The following CWC27 variants were observed in gnomAD, a reference collection of about 807,000 sequenced individuals.
The protein encoded by CWC27 is CWC27 spliceosome associated cyclophilin.
Under a neutral mutation model 63.6 loss-of-function variants are expected in CWC27, and 47 were observed. The ratio of observed to expected loss-of-function variants is 0.74; its 90% CI spans 0.58 to 0.94. The LOEUF (loss-of-function observed/expected upper bound fraction) is 0.94. Ranked by LOEUF, CWC27 falls within the 40% of genes least tolerant of loss-of-function variation. The pLI, the probability that CWC27 is intolerant of heterozygous loss-of-function variation, is 0.00. For synonymous variants in CWC27, 175 were observed against 179.8 expected, an observed-to-expected ratio of 0.97 and a Z score of 0.22; for missense variants, 495 against 554.3, an observed-to-expected ratio of 0.89 and a Z score of 1.07.
intron 11 of CWC27, among the ~76,000 whole-genome samples, chr5:64,908,148 G>A (rs1228004677): frequency 6.6e-6 from 1 of 152,046 alleles, no homozygotes; most frequent in East Asian, 1.9e-4. Flanking sequence ...ATTTACCCAG[G>A]ATTCACTCAG....
intron 7 of CWC27, among the ~76,000 whole-genome samples, chr5:64,792,954 T>C (rs1021860904): frequency 4.6e-5 from 7 of 152,166 alleles, no homozygotes; most frequent in Non-Finnish European, 7.3e-5. Flanking sequence ...TATACAATAC[T>C]GAAAAATGTC....
intron 11 of CWC27, among the ~76,000 whole-genome samples, chr5:64,916,074 G>C (rs1365029890): frequency 1.3e-5 from 2 of 152,130 alleles, no homozygotes; most frequent in Non-Finnish European, 2.9e-5. Context: ...TATACCTTTG[G>C]CTGTTCCTTT....
chr5:64,859,235 G>C (rs1746338155), intron 10 of CWC27, among the ~76,000 whole-genome samples: 1 of 152,152 alleles, frequency 6.6e-6, no homozygotes, highest in Non-Finnish European at 1.5e-5. Flanking sequence ...ATAGAAAGCA[G>C]AACAGTGGTT....
chr5:64,922,571 G>C (rs1173856104), intron 11 of CWC27, among the ~76,000 whole-genome samples: 1 of 152,094 alleles, frequency 6.6e-6, no homozygotes, highest in Non-Finnish European at 1.5e-5. Flanking sequence ...ATCTTCTCTT[G>C]TGTCTCAATG....
At chr5:65,018,075 A>C (rs1323575373) in intron 13 of CWC27, 84 bp from the exon 14 acceptor site, 21 of 1,218,582 alleles carry the variant, frequency 1.7e-5, no homozygotes, top group Non-Finnish European at 2.4e-5. Context: ...CTTATGTTTC[A>C]TTATGTCGAT....
chr5:64,807,966 A>G lies in CWC27; in HGVS notation c.938+3580A>G, dbSNP rs1366677129. The G allele has an allele frequency of 4.9e-6, 7 of 1,417,246 alleles. No individual in the cohort carries two copies. The African/African-American group carries it at 7.2e-5, about 15-fold the overall frequency. 87.8% of individuals were successfully genotyped at this position (1,417,246 alleles called of 1,614,324 possible). A position where few individuals can be genotyped will look rare whatever the true frequency, so the allele number is the denominator to read the frequency against. ...CTACCACTCCACTGAAACTACTTCCACTAAGGCCATCTAGTTGATAATCGA... is the reference window on the plus strand; with the variant it reads ...CTACCACTCCACTGAAACTACTTCCGCTAAGGCCATCTAGTTGATAATCGA... On this transcript the variant is annotated intron_variant, in intron 10 of 13. Coordinates refer to ENST00000381070, the MANE Select transcript of CWC27 (RefSeq NM_005869.4).
At chr5:64,794,788 T>C (rs1454038243) in intron 7 of CWC27, among the ~76,000 whole-genome samples, 1 of 152,180 alleles carries the variant, frequency 6.6e-6, no homozygotes, top group Admixed American at 6.6e-5. Context: ...AATGTCTGTA[T>C]TGGTTTAAAA....
intron 13 of CWC27, among the ~76,000 whole-genome samples, chr5:64,987,922 T>C (rs1417914013): frequency 6.6e-6 from 1 of 152,218 alleles, no homozygotes; most frequent in Admixed American, 6.5e-5. Flanking sequence ...GGGTTTACTA[T>C]GTGTGATGTT....
chr5:64,848,086 T>G (rs1344977946), intron 10 of CWC27, among the ~76,000 whole-genome samples: 11 of 151,996 alleles, frequency 7.2e-5, no homozygotes, highest in African/African-American at 2.2e-4. Flanking sequence ...TAAGGGTTGA[T>G]TTTTGAAAAA....
At chr5:64,956,902 A>G (rs1448609357) in intron 11 of CWC27, among the ~76,000 whole-genome samples, 2 of 152,180 alleles carry the variant, frequency 1.3e-5, no homozygotes, top group African/African-American at 4.8e-5. Context: ...GAATTAAGTA[A>G]TAAAGCATGC....
intron 11 of CWC27, among the ~76,000 whole-genome samples, chr5:64,913,799 T>C (rs939806611): frequency 1.3e-5 from 2 of 152,048 alleles, no homozygotes; most frequent in Non-Finnish European, 2.9e-5. Context: ...TTAAATGCAA[T>C]TTCAATCAAA....
At chr5:64,816,553 T>G (rs1745038125) in intron 10 of CWC27, among the ~76,000 whole-genome samples, 2 of 152,168 alleles carry the variant, frequency 1.3e-5, no homozygotes, top group Admixed American at 6.6e-5. Flanking sequence ...CACACAGATT[T>G]GATGACTTGA....
At chr5:64,934,444 A>G (rs1225634640) in intron 11 of CWC27, among the ~76,000 whole-genome samples, 5 of 152,144 alleles carry the variant, frequency 3.3e-5, no homozygotes, top group East Asian at 1.9e-4. Flanking sequence ...ATCCTTTTCT[A>G]TGGCTGCATA....
At chr5:64,874,929 T>C (rs528812559) in intron 10 of CWC27, among the ~76,000 whole-genome samples, 1 of 152,158 alleles carries the variant, frequency 6.6e-6, no homozygotes, top group African/African-American at 2.4e-5. Flanking sequence ...TTTGTAAAGT[T>C]GGATTGTGAA....
chr5:64,841,043 C>T (rs910645255), intron 10 of CWC27, among the ~76,000 whole-genome samples: 5 of 152,112 alleles, frequency 3.3e-5, no homozygotes, highest in Non-Finnish European at 5.9e-5. Context: ...AAATTTATAC[C>T]CTGTCTATCT....
intron 10 of CWC27, among the ~76,000 whole-genome samples, chr5:64,832,563 T>C (rs1226795449): frequency 6.6e-6 from 1 of 151,886 alleles, no homozygotes; most frequent in East Asian, 1.9e-4. Flanking sequence ...TCAAAACAAC[T>C]ATCATACTTA....
chr5:64,937,070 T>C (rs904961354), intron 11 of CWC27, among the ~76,000 whole-genome samples: 2 of 152,216 alleles, frequency 1.3e-5, no homozygotes, highest in Admixed American at 1.3e-4. Context: ...ATTGATTTTT[T>C]GAAGGGTTTT....
At chr5:64,910,887 C>A (rs1747771523) in intron 11 of CWC27, among the ~76,000 whole-genome samples, 1 of 152,186 alleles carries the variant, frequency 6.6e-6, no homozygotes, top group African/African-American at 2.4e-5. Flanking sequence ...AAAAGGAAAT[C>A]CCCCTACCCT....
At chr5:64,770,952 A>C (rs1024340335) in intron 1 of CWC27, among the ~76,000 whole-genome samples, 4 of 152,250 alleles carry the variant, frequency 2.6e-5, no homozygotes, top group Admixed American at 1.3e-4. Flanking sequence ...GCCAGGCTCT[A>C]TGCTAGGTTT....
Sources: gnomAD v4.1 joint callset for allele counts (sites outside exome capture counted in the v4.1 genomes callset) on GRCh38, gnomAD v4.1.1 for gene constraint, MANE v1.5 for transcripts, NCBI Gene and HGNC (gene_info 2026-07-23, HGNC 2026-07-21) for gene names.